NOL10: variants seen among roughly 807,000 people sequenced by gnomAD.
The protein encoded by NOL10 is H_NH0074G24.1.
A neutral mutation model predicts 103.5 loss-of-function variants in NOL10; 58 were observed. That is an observed-to-expected ratio of 0.56 (90% CI 0.45 to 0.70). NOL10 has a LOEUF of 0.70. Ranked by LOEUF, NOL10 falls within the 30% of genes least tolerant of loss-of-function variation. The probability of loss-of-function intolerance (pLI) is 0.00; values close to 1 mark genes in which losing one functional copy is unlikely to be tolerated. For missense variants in NOL10, 763 were observed against 807.3 expected (o/e 0.95, Z 0.67); for synonymous variants, 287 against 282.5 (o/e 1.02, Z -0.16).
At chr2:10,679,226 G>A (rs962960700) in intron 3 of NOL10, among the ~76,000 whole-genome samples, 2 of 151,966 alleles carry the variant, frequency 1.3e-5, no homozygotes, top group African/African-American at 4.8e-5. Context: ...GGGCGTGGTG[G>A]TGCATGCCTG....
At chr2:10,660,282 G>C (rs1680112436) in intron 9 of NOL10, among the ~76,000 whole-genome samples, 1 of 152,132 alleles carries the variant, frequency 6.6e-6, no homozygotes, top group African/African-American at 2.4e-5. Context: ...TTTCAGTATA[G>C]TGATATACTT....
At chr2:10,600,277 C>T (rs1442980678) in intron 17 of NOL10, among the ~76,000 whole-genome samples, 2 of 152,182 alleles carry the variant, frequency 1.3e-5, no homozygotes, top group Non-Finnish European at 2.9e-5. Flanking sequence ...TTTTATTTAT[C>T]TTATGACTGA....
At chr2:10,612,227 G>C (rs958311519) in intron 13 of NOL10, among the ~76,000 whole-genome samples, 2 of 152,170 alleles carry the variant, frequency 1.3e-5, no homozygotes, top group African/African-American at 4.8e-5. Flanking sequence ...ACATCCCAAA[G>C]CTGTGCTGAG....
Position 10,589,770 on chromosome 2 carries a change from A to C in NOL10, c.1423-19T>G, listed in dbSNP as rs1675302249. Reference sequence around the variant, plus strand: ...GAAGACTCTACAAGGAGGAAAAAGTACGTAAAAATTTAAGTTAATATCTGA... The same window carrying C: ...GAAGACTCTACAAGGAGGAAAAAGTCCGTAAAAATTTAAGTTAATATCTGA... On this transcript the variant is annotated intron_variant, in intron 17 of 20. Transcript: ENST00000381685. 7.0e-7 allele frequency: 1 copy of C among 1,438,426 alleles called. No homozygotes were observed. The highest frequency in any genetic ancestry group is 9.2e-7 in the Non-Finnish European group (1 of 1,090,096). The allele number at this position is 1,438,426 out of a possible 1,614,324, so 89.1% of individuals were successfully genotyped here.
chr2:10,581,219 C>T lies in NOL10; in HGVS notation c.1845-3481G>A, dbSNP rs62128634. Among the ~76,000 whole-genome samples the T allele has an allele frequency of 1.9e-3, 289 of 152,270 alleles. 1 individual carries two copies. The highest frequency in any genetic ancestry group is 1.4e-3 in the Non-Finnish European group (97 of 68,024). ...TTGCTGGAGTGTGGGGAAACAGGCG[C>T]TCTGGCCAGAGTGCAAAGTGCTCAA... On this transcript the variant is annotated intron_variant, in intron 19 of 20. Transcript: ENST00000381685.
intron 20 of NOL10, among the ~76,000 whole-genome samples, chr2:10,576,018 G>C (rs1674432996): frequency 6.6e-6 from 1 of 152,182 alleles, no homozygotes; most frequent in Non-Finnish European, 1.5e-5. Context: ...CAAGCCTCCT[G>C]GATGCACGTT....
At chr2:10,610,440 A>T (rs1401965747) in intron 13 of NOL10, among the ~76,000 whole-genome samples, 1 of 152,246 alleles carries the variant, frequency 6.6e-6, no homozygotes, top group Non-Finnish European at 1.5e-5. Context: ...ATTCATGGCC[A>T]TTAAATTTTC....
chr2:10,665,739 C>A (rs953818879), intron 8 of NOL10, among the ~76,000 whole-genome samples: 2 of 152,212 alleles, frequency 1.3e-5, no homozygotes, highest in Non-Finnish European at 2.9e-5. Context: ...TGTAAAACTT[C>A]CCCTTGGTAA....
chr2:10,630,891 T>C (rs1484504124), intron 13 of NOL10, among the ~76,000 whole-genome samples: 1 of 152,234 alleles, frequency 6.6e-6, no homozygotes, highest in African/African-American at 2.4e-5. Flanking sequence ...GAGCAACGAC[T>C]TTCCCGTTTA....
intron 6 of NOL10, 100 bp from the exon 7 acceptor site, chr2:10,668,823 T>C: frequency 4.8e-6 from 2 of 415,214 alleles, no homozygotes; most frequent in Non-Finnish European, 8.6e-6. Context: ...AAGCCACCAC[T>C]TCCTTTTGTA....
At chr2:10,668,593 A>T in intron 7 of NOL10, 65 bp downstream of exon 7, 1 of 802,822 alleles carries the variant, frequency 1.2e-6, no homozygotes, top group Non-Finnish European at 2.0e-6. Flanking sequence ...ACTTGTTAAC[A>T]AACTGAGCAT....
intron 3 of NOL10, among the ~76,000 whole-genome samples, chr2:10,679,053 T>C (rs983964182): frequency 6.6e-6 from 1 of 151,974 alleles, no homozygotes; most frequent in Non-Finnish European, 1.5e-5. Flanking sequence ...TGAGACCCCA[T>C]CTCCATTTAA....
intron 13 of NOL10, among the ~76,000 whole-genome samples, chr2:10,632,339 T>A (rs544751303): frequency 1.0e-3 from 156 of 152,356 alleles, no homozygotes; most frequent in Non-Finnish European, 2.1e-3. Context: ...ATATGGTCTC[T>A]GTCACAGCTA....
chr2:10,660,491 A>AT (rs1317365191), intron 9 of NOL10, among the ~76,000 whole-genome samples: 2 of 151,766 alleles, frequency 1.3e-5, no homozygotes, highest in East Asian at 3.9e-4. Flanking sequence ...TAATTTTTGT[A>AT]TTTTTTTGTA....
chr2:10,596,900 C>T (rs1035600801), intron 17 of NOL10, among the ~76,000 whole-genome samples: 9 of 152,226 alleles, frequency 5.9e-5, no homozygotes, highest in African/African-American at 1.9e-4. Context: ...CACAGATGCC[C>T]ATGCCTCTCA....
At chr2:10,618,115 G>A (rs1031062088) in intron 13 of NOL10, among the ~76,000 whole-genome samples, 5 of 151,532 alleles carry the variant, frequency 3.3e-5, no homozygotes, top group African/African-American at 4.9e-5. Flanking sequence ...GGGCTCAAGC[G>A]ATCCTCTCAC....
chr2:10,652,689 C>T (rs1169197014), intron 12 of NOL10, among the ~76,000 whole-genome samples: 2 of 152,200 alleles, frequency 1.3e-5, no homozygotes, highest in African/African-American at 4.8e-5. Context: ...AATGAACCAG[C>T]TCCTGCTCAC....
At chr2:10,583,409 C>T (rs1674861983) in intron 19 of NOL10, among the ~76,000 whole-genome samples, 1 of 152,076 alleles carries the variant, frequency 6.6e-6, no homozygotes, top group Non-Finnish European at 1.5e-5. Context: ...TGATCTTGAC[C>T]ACACAATAAA....
chr2:10,636,126 G>C (rs1002052262), intron 13 of NOL10, among the ~76,000 whole-genome samples: 1 of 151,980 alleles, frequency 6.6e-6, no homozygotes, highest in African/African-American at 2.4e-5. Context: ...GGCCTCAAGT[G>C]ATCTACCCGC....
Sources: gnomAD v4.1 joint callset for allele counts (sites outside exome capture counted in the v4.1 genomes callset) on GRCh38, gnomAD v4.1.1 for gene constraint, MANE v1.5 for transcripts, NCBI Gene and HGNC (gene_info 2026-07-23, HGNC 2026-07-21) for gene names.